The following LRRC37A2 variants were observed in gnomAD, a reference collection of about 807,000 sequenced individuals.
LRRC37A2 encodes leucine-rich repeat-containing protein 37A2.
Under a neutral mutation model 68.8 loss-of-function variants are expected in LRRC37A2, and 9 were observed. That is an observed-to-expected ratio of 0.13 (90% CI 0.08 to 0.23). The LOEUF is 0.23. LRRC37A2 is among the 10% of genes least tolerant of loss of function. LRRC37A2 has a pLI of 1.00. For missense variants in LRRC37A2, 168 were observed against 950.4 expected (o/e 0.18, Z 10.82); for synonymous variants, 63 against 367.6 (o/e 0.17, Z 9.48).
At chr17:46,992,687 T>C in the LRRC37A2 span, among the ~76,000 whole-genome samples, 5 of 151,912 alleles carry the variant, frequency 3.3e-5, no homozygotes, top group African/African-American at 1.2e-4. Context: ...ACCCCGTTTA[T>C]ACTAAAAATA....
At chr17:47,006,043 G>T in the LRRC37A2 span, among the ~76,000 whole-genome samples, 1 of 151,958 alleles carries the variant, frequency 6.6e-6, no homozygotes, top group Non-Finnish European at 1.5e-5. Flanking sequence ...TGGGTGGCAG[G>T]CGCCTGTAAT....
chr17:46,811,351 C>T, the LRRC37A2 span, among the ~76,000 whole-genome samples: 4 of 152,228 alleles, frequency 2.6e-5, no homozygotes, highest in East Asian at 1.9e-4. Context: ...GTCAATGGCG[C>T]GGAAGTGATT....
the LRRC37A2 span, among the ~76,000 whole-genome samples, chr17:46,823,105 ACACATATAT>A: frequency 7.7e-6 from 1 of 130,688 alleles, no homozygotes; most frequent in Non-Finnish European, 1.6e-5. Context: ...TATATAATAA[ACACATATAT>A]TATATATTAT....
the LRRC37A2 span, among the ~76,000 whole-genome samples, chr17:46,957,908 G>A: frequency 3.9e-5 from 6 of 152,208 alleles, no homozygotes; most frequent in African/African-American, 1.4e-4. Flanking sequence ...GGACGCTGCA[G>A]CAGGGATCAG....
the LRRC37A2 span, chr17:46,966,502 C>T: frequency 1.5e-6 from 1 of 683,702 alleles, no homozygotes; most frequent in Non-Finnish European, 2.7e-6. Flanking sequence ...TGCACCCCAC[C>T]ACACCCGATT....
the LRRC37A2 span, among the ~76,000 whole-genome samples, chr17:46,859,875 T>G: frequency 6.6e-6 from 1 of 152,246 alleles, no homozygotes; most frequent in African/African-American, 2.4e-5. Context: ...CAGCAGTGTT[T>G]TCTAGTTTTC....
the LRRC37A2 span, among the ~76,000 whole-genome samples, chr17:46,694,248 G>A: frequency 2.2e-5 from 3 of 137,596 alleles, no homozygotes; most frequent in Admixed American, 7.5e-5. Context: ...TTAGCCGAGT[G>A]TGGTGGTGTG....
the LRRC37A2 span, among the ~76,000 whole-genome samples, chr17:46,743,676 G>T: frequency 6.6e-6 from 1 of 152,130 alleles, no homozygotes; most frequent in Non-Finnish European, 1.5e-5. Context: ...GTGCAGCATG[G>T]TCCCTGGAGA....
the LRRC37A2 span, among the ~76,000 whole-genome samples, chr17:46,857,388 T>A: frequency 6.8e-6 from 1 of 146,518 alleles, no homozygotes; most frequent in South Asian, 2.1e-4. Flanking sequence ...GGCAGGAGAA[T>A]CACTTGAACC....
At chr17:46,982,177 G>T in the LRRC37A2 span, among the ~76,000 whole-genome samples, 2 of 152,238 alleles carry the variant, frequency 1.3e-5, no homozygotes, top group Non-Finnish European at 2.9e-5. Context: ...AGAACAGGGA[G>T]TCCAGCAGGT....
chr17:46,978,653 G>A, the LRRC37A2 span: 8 of 1,604,600 alleles, frequency 5.0e-6, no homozygotes, highest in African/African-American at 9.4e-5. Context: ...GCTCAGTACA[G>A]CCCCAGGATG....
chr17:46,993,335 A>AGGCAC, the LRRC37A2 span, among the ~76,000 whole-genome samples: 2 of 152,248 alleles, frequency 1.3e-5, no homozygotes, highest in Non-Finnish European at 2.9e-5. Context: ...TGAGGAAGTC[A>AGGCAC]GGCACTGCAG....
chr17:47,006,190 C>T, the LRRC37A2 span, among the ~76,000 whole-genome samples: 1 of 151,996 alleles, frequency 6.6e-6, no homozygotes, highest in African/African-American at 2.4e-5. Flanking sequence ...ATTTTTTTTT[C>T]CCTCTGTTTT....
the LRRC37A2 span, among the ~76,000 whole-genome samples, chr17:46,588,684 C>A: frequency 3.2e-5 from 1 of 31,432 alleles, no homozygotes. Context: ...GGTTCAAAGT[C>A]AAGGTGTCAA....
chr17:46,938,806 T>C, the LRRC37A2 span: 9 of 1,550,920 alleles, frequency 5.8e-6, no homozygotes, highest in Admixed American at 1.5e-4. Context: ...AGCCTGCAAG[T>C]GTGTGTGTGT....
chr17:46,723,974 C>T, the LRRC37A2 span, among the ~76,000 whole-genome samples: 45,163 of 152,032 alleles, frequency 0.3, 7,426 homozygotes, highest in East Asian at 0.61. Flanking sequence ...AGACTCTTTA[C>T]GTCCAAGTTC....
chr17:46,838,313 G>A, the LRRC37A2 span, among the ~76,000 whole-genome samples: 1 of 148,908 alleles, frequency 6.7e-6, no homozygotes, highest in South Asian at 2.1e-4. Context: ...GATAGAACGG[G>A]GCCTGCCTTA....
the LRRC37A2 span, among the ~76,000 whole-genome samples, chr17:46,970,438 G>C: frequency 1.0e-4 from 15 of 149,052 alleles, no homozygotes; most frequent in Non-Finnish European, 1.9e-4. Context: ...CTACTTGTGA[G>C]CTGAAGTAGG....
the LRRC37A2 span, among the ~76,000 whole-genome samples, chr17:46,862,210 A>G: frequency 6.6e-6 from 1 of 151,984 alleles, no homozygotes; most frequent in African/African-American, 2.4e-5. Context: ...AAAGAAAAGT[A>G]ATATAGGAGG....
Sources: gnomAD v4.1 joint callset for allele counts (sites outside exome capture counted in the v4.1 genomes callset) on GRCh38, gnomAD v4.1.1 for gene constraint, MANE v1.5 for transcripts, NCBI Gene and HGNC (gene_info 2026-07-23, HGNC 2026-07-21) for gene names.